Variants in FLT3 observed in about 807,000 individuals in gnomAD.
FLT3 encodes fms related receptor tyrosine kinase 3, also known as receptor-type tyrosine-protein kinase FLT3.
FLT3 carries 46 observed loss-of-function variants against 126.6 expected under a neutral mutation model. That is an observed-to-expected ratio of 0.36 (90% CI 0.29 to 0.46). The LOEUF is 0.46. Among genes scored for constraint, FLT3 ranks in the 20% least tolerant of loss-of-function variants. The probability of loss-of-function intolerance (pLI) is 1.00; values close to 1 mark genes in which losing one functional copy is unlikely to be tolerated. For synonymous variants in FLT3, 404 were observed against 434.4 expected (o/e 0.93, Z 0.87); for missense variants, 1,069 against 1,190.3 (o/e 0.90, Z 1.50).
chr13:28,027,504 G>T (rs1168522417), intron 16 of FLT3, among the ~76,000 whole-genome samples: 5 of 152,204 alleles, frequency 3.3e-5, no homozygotes, highest in African/African-American at 1.2e-4. Flanking sequence ...TGGCCTCCTG[G>T]ATTCTCCAGT....
At chr13:28,051,210 A>G (rs2137734457) in intron 5 of FLT3, among the ~76,000 whole-genome samples, 1 of 152,042 alleles carries the variant, frequency 6.6e-6, no homozygotes, top group Admixed American at 6.6e-5. Context: ...GAAATTAAAC[A>G]TTTTGTCACA....
chr13:28,014,387 G>A, intron 23 of FLT3, 65 bp downstream of exon 23: 7 of 1,173,172 alleles, frequency 6.0e-6, no homozygotes, highest in African/African-American at 1.5e-5. Context: ...CAGGAAGACA[G>A]CAACAAGTGT....
Position 28,058,453 on chromosome 13 carries a change from G to A in FLT3, c.369-991C>T, listed in dbSNP as rs1428531745. Among the ~76,000 whole-genome samples, 16 of 151,048 alleles carry A rather than the reference G, an allele frequency of 1.1e-4. 1 individual carries two copies. The highest frequency in any genetic ancestry group is 2.0e-4 in the East Asian group (1 of 4,996). ...CTTGAACCCGGGAGGCGGAGGTTGCGGTGAGCCAAGATCATGCCATTGCAC... is the reference window on the plus strand; with the variant it reads ...CTTGAACCCGGGAGGCGGAGGTTGCAGTGAGCCAAGATCATGCCATTGCAC... On this transcript the variant is annotated intron_variant, in intron 3 of 23. Coordinates refer to ENST00000241453, the MANE Select transcript of FLT3 (RefSeq NM_004119.3).
chr13:28,037,187 C>A lies in FLT3; in HGVS notation c.1307G>T (p.Arg436Ile). ...QFTKMFTLNI[R>I]RKPQVLAEAS... ...AAATTCTCGGCAATTTAACTTACTT[C>A]TTATATTCAGCGTGAACATTTTGGT... The change falls in exon 10 of 24, where the codon AGA (arginine) becomes ATA (isoleucine). Residue 436 changes from arginine to isoleucine, a missense_variant and splice_region_variant. Coordinates refer to ENST00000241453, the MANE Select transcript of FLT3 (RefSeq NM_004119.3). 6.5e-7 allele frequency: 1 copy of A among 1,531,238 alleles called. No homozygotes were observed. The highest frequency in any genetic ancestry group is 1.1e-5 in the South Asian group (1 of 89,108). The allele number at this position is 1,531,238 out of a possible 1,614,324, so 94.9% of individuals were successfully genotyped here.
intron 15 of FLT3, among the ~76,000 whole-genome samples, chr13:28,031,548 T>C (rs1477835040): frequency 6.6e-6 from 1 of 152,004 alleles, no homozygotes; most frequent in Non-Finnish European, 1.5e-5. Flanking sequence ...ACAAAGGTGA[T>C]GGATTCTACG....
chr13:28,089,908 T>C (rs1359577909), intron 1 of FLT3, among the ~76,000 whole-genome samples: 1 of 151,510 alleles, frequency 6.6e-6, no homozygotes, highest in Non-Finnish European at 1.5e-5. Context: ...CTAAGTTTTA[T>C]ATATATTTTT....
At chr13:28,049,008 G>A (rs968095811) in intron 8 of FLT3, among the ~76,000 whole-genome samples, 106 of 152,260 alleles carry the variant, frequency 7.0e-4, no homozygotes, top group African/African-American at 2.4e-3. Context: ...CTAACAGTGC[G>A]GTTAGTTGGT....
At chr13:28,006,244 T>C (rs1738267191) in intron 23 of FLT3, among the ~76,000 whole-genome samples, 2 of 152,184 alleles carry the variant, frequency 1.3e-5, no homozygotes, top group African/African-American at 4.8e-5. Context: ...TTCTTTGTTT[T>C]TGACAGTTTT....
chr13:28,070,983 A>ATTTCTACC (rs1877451975), intron 1 of FLT3, among the ~76,000 whole-genome samples: 1 of 111,328 alleles, frequency 9.0e-6, no homozygotes, highest in Non-Finnish European at 1.8e-5. Context: ...TTGTATATAG[A>ATTTCTACC]TTTCTACCTT....
intron 23 of FLT3, among the ~76,000 whole-genome samples, chr13:28,010,833 C>G (rs1871290262): frequency 6.6e-6 from 1 of 152,006 alleles, no homozygotes; most frequent in Admixed American, 6.6e-5. Context: ...ATGGTAAAAC[C>G]CCGTCTCTAC....
chr13:28,076,969 A>G, intron 1 of FLT3, among the ~76,000 whole-genome samples: 1 of 111,248 alleles, frequency 9.0e-6, no homozygotes, highest in Non-Finnish European at 1.9e-5. Context: ...GAAAGAAGGA[A>G]GGGAGGGAGG....
intron 9 of FLT3, among the ~76,000 whole-genome samples, chr13:28,045,268 A>T (rs1874749497): frequency 6.6e-6 from 1 of 152,242 alleles, no homozygotes; most frequent in Non-Finnish European, 1.5e-5. Context: ...CAATCTGTGT[A>T]CATTCTTGCG....
chr13:28,086,619 C>CGTGTGTGTGTATGT (rs1555262638), intron 1 of FLT3, among the ~76,000 whole-genome samples: 10 of 134,726 alleles, frequency 7.4e-5, no homozygotes, highest in Admixed American at 3.0e-4. Flanking sequence ...CTGAAGAACT[C>CGTGTGTGTGTATGT]GTGTGTGTGT....
intron 9 of FLT3, among the ~76,000 whole-genome samples, chr13:28,038,840 T>C (rs1593247235): frequency 1.3e-5 from 2 of 151,660 alleles, no homozygotes; most frequent in African/African-American, 4.8e-5. Context: ...AGATGAGGAG[T>C]GTGGAGGATG....
At chr13:28,086,188 A>G (rs1041630498) in intron 1 of FLT3, among the ~76,000 whole-genome samples, 17 of 152,092 alleles carry the variant, frequency 1.1e-4, no homozygotes, top group Non-Finnish European at 2.4e-4. Context: ...TCCTTTGGGA[A>G]TAACTGAGCT....
At chr13:28,042,172 AT>A (rs1390391969) in intron 9 of FLT3, among the ~76,000 whole-genome samples, 5 of 143,268 alleles carry the variant, frequency 3.5e-5, no homozygotes, top group African/African-American at 1.2e-4. Flanking sequence ...AATAATAATA[AT>A]AATAATAATA....
At chr13:28,014,338 A>G in intron 23 of FLT3, 114 bp downstream of exon 23, 3 of 730,042 alleles carry the variant, frequency 4.1e-6, no homozygotes, top group Non-Finnish European at 7.1e-6. Flanking sequence ...CAACCCAGAA[A>G]AACTGCAATG....
At chr13:28,095,433 AC>A (rs1039882736) in intron 1 of FLT3, among the ~76,000 whole-genome samples, 10 of 151,938 alleles carry the variant, frequency 6.6e-5, no homozygotes, top group African/African-American at 2.4e-4. Context: ...GCGCCACCAC[AC>A]CCAGCTAATT....
chr13:28,088,794 C>G (rs2137822488), intron 1 of FLT3, among the ~76,000 whole-genome samples: 1 of 151,742 alleles, frequency 6.6e-6, no homozygotes, highest in South Asian at 2.1e-4. Context: ...CTATGTTGGC[C>G]AGGCTGGTCT....
Sources: gnomAD v4.1 joint callset for allele counts (sites outside exome capture counted in the v4.1 genomes callset) on GRCh38, gnomAD v4.1.1 for gene constraint, MANE v1.5 for transcripts, NCBI Gene and HGNC (gene_info 2026-07-23, HGNC 2026-07-21) for gene names.